Variants in C11orf65 observed in about 807,000 individuals in gnomAD.
C11orf65 encodes the protein chromosome 11 open reading frame 65, also known as protein MFI.
Under a neutral mutation model 35.3 loss-of-function variants are expected in C11orf65, and 38 were observed. That is an observed-to-expected ratio of 1.08 (90% CI 0.83 to 1.41). The LOEUF (loss-of-function observed/expected upper bound fraction) is 1.41, where lower values mean the gene tolerates loss of function less well. Ranked by LOEUF, C11orf65 falls within the 40% of genes most tolerant of loss-of-function variation. The pLI, the probability that C11orf65 is intolerant of heterozygous loss-of-function variation, is 0.00. For synonymous variants in C11orf65, 105 were observed against 114.4 expected, an observed-to-expected ratio of 0.92 and a Z score of 0.53; for missense variants, 370 against 367.1, an observed-to-expected ratio of 1.01 and a Z score of -0.06.
chr11:108,437,420 T>C (rs2135475357), intron 2 of C11orf65, among the ~76,000 whole-genome samples: 1 of 152,190 alleles, frequency 6.6e-6, no homozygotes, highest in African/African-American at 2.4e-5. Context: ...AAATAGATAC[T>C]GAAGGCTGGG....
At chr11:108,328,207 A>G (rs900811022), downstream of C11orf65, among the ~76,000 whole-genome samples, 3 of 152,144 alleles carry the variant, frequency 2.0e-5, no homozygotes, top group Admixed American at 6.6e-5. Context: ...TTACCTCACT[A>G]AATAAGTGTA....
At chr11:108,434,298 G>T (rs951224280) in intron 2 of C11orf65, among the ~76,000 whole-genome samples, 1 of 151,804 alleles carries the variant, frequency 6.6e-6, no homozygotes, top group African/African-American at 2.4e-5. Context: ...TGAGGTCAGG[G>T]GTTCGAGATC....
rs762001297 is a variant in C11orf65, at chr11:108,315,836, A to G, written c.641-6765T>C. ...CCATGTTTTCAGGATCTTCTCTTAG[A>G]AATCTACAGAAGTATAGGGGAGCCA... On this transcript the variant is annotated intron_variant, in intron 6 of 6. Transcript: ENST00000525729. 5.0e-6 allele frequency: 8 copies of G among 1,612,162 alleles called. No homozygotes were observed. Among genetic ancestry groups the G allele is most frequent in the Non-Finnish European group, 5.9e-6 (7 of 1,178,302 alleles).
chr11:108,455,633 T>G (rs112009767), intron 2 of C11orf65, among the ~76,000 whole-genome samples: 2 of 150,788 alleles, frequency 1.3e-5, no homozygotes, highest in African/African-American at 4.9e-5. Flanking sequence ...CTGACCAACA[T>G]AGTGAAATCC....
Position 108,383,133 on chromosome 11 carries a change from C to G in C11orf65, c.830G>C (p.Gly277Ala), listed in dbSNP as rs867308211. Residue 277 changes from glycine (G) to alanine (A), a missense_variant, in exon 9 of 9, where the codon GGA becomes GCA. Transcript: ENST00000393084. ...NQAQKNIYNY[G>A]GDISKMQMGI... ...CATTTGCATCTTTGATATGTCTCCTCCATAGTTATATATGTTTTTCTGTGC... is the reference window on the plus strand; with the variant it reads ...CATTTGCATCTTTGATATGTCTCCTGCATAGTTATATATGTTTTTCTGTGC... The G allele has an allele frequency of 1.9e-6, 3 of 1,608,908 alleles. No homozygotes were observed. The highest frequency in any genetic ancestry group is 2.5e-6 in the Non-Finnish European group (3 of 1,178,500).
In C11orf65 at chr11:108,360,602, T is replaced by A. The variant is rs190072882; in HGVS notation, c.227-25310A>T. 1.6e-3 allele frequency among the ~76,000 whole-genome samples: 240 copies of A among 149,502 alleles called. 1 individual carries two copies. Among genetic ancestry groups the A allele is most frequent in the Non-Finnish European group, 2.8e-3 (191 of 67,566 alleles). ...ACATCCAAAAGCTTATCCACCATGA[T>A]CCAGTGGGCTTCATCCCTGGGATTC... On this transcript the variant is annotated intron_variant, in intron 2 of 3. Transcript: ENST00000524755.
intron 6 of C11orf65, among the ~76,000 whole-genome samples, chr11:108,323,428 G>T (rs2085374816): frequency 6.6e-6 from 1 of 152,090 alleles, no homozygotes; most frequent in Non-Finnish European, 1.5e-5. Flanking sequence ...ATGAAGAGGG[G>T]CTGGTTAATG....
chr11:108,347,553 T>G (rs2088600933), intron 2 of C11orf65, among the ~76,000 whole-genome samples: 1 of 152,064 alleles, frequency 6.6e-6, no homozygotes, highest in Non-Finnish European at 1.5e-5. Flanking sequence ...GGGTACTGAG[T>G]GAAACTTAAT....
chr11:108,432,972 T>C (rs2093010518), intron 2 of C11orf65, among the ~76,000 whole-genome samples: 1 of 152,188 alleles, frequency 6.6e-6, no homozygotes, highest in South Asian at 2.1e-4. Context: ...AGGGGAGTTC[T>C]GCTGGTCTTG....
intron 2 of C11orf65, among the ~76,000 whole-genome samples, chr11:108,444,598 C>A (rs2093219610): frequency 6.6e-6 from 1 of 152,164 alleles, no homozygotes; most frequent in Non-Finnish European, 1.5e-5. Flanking sequence ...CATCCAGCAG[C>A]ACATCAAAAA....
rs1483142786 is a variant in C11orf65, at chr11:108,323,324, G to C, written c.641-14253C>G. On this transcript the variant is annotated intron_variant, in intron 6 of 6. Coordinates refer to the C11orf65 transcript ENST00000525729. ...CAAGAAATTTTTCCTCTGAATGAAA[G>C]ATTATCCTGCTGAAAAGAGTACAGA... Among the ~76,000 whole-genome samples, 2 of 152,152 alleles carry C rather than the reference G, an allele frequency of 1.3e-5. 1 individual carries two copies. The highest frequency in any genetic ancestry group is 3.8e-4 in the East Asian group (2 of 5,196).
chr11:108,354,578 T>G (rs1043212894), intron 2 of C11orf65, among the ~76,000 whole-genome samples: 10 of 152,196 alleles, frequency 6.6e-5, no homozygotes, highest in African/African-American at 2.4e-4. Flanking sequence ...TAATCAATAG[T>G]GTTGTGTTAT....
chr11:108,314,888 C>T (rs1480557749), intron 6 of C11orf65, among the ~76,000 whole-genome samples: 1 of 152,154 alleles, frequency 6.6e-6, no homozygotes, highest in Non-Finnish European at 1.5e-5. Flanking sequence ...AAGTTTATAT[C>T]ATCTGTTTAC....
downstream of C11orf65, among the ~76,000 whole-genome samples, chr11:108,381,044 G>T (rs2091856345): frequency 6.6e-6 from 1 of 152,216 alleles, no homozygotes; most frequent in South Asian, 2.1e-4. Context: ...AAATTGGCCT[G>T]TTAAGGAGTA....
intron 2 of C11orf65, among the ~76,000 whole-genome samples, chr11:108,374,047 C>A (rs1361947234): frequency 6.6e-6 from 1 of 152,212 alleles, no homozygotes; most frequent in Non-Finnish European, 1.5e-5. Flanking sequence ...TGGAGCCCAC[C>A]ACAGCTCAAG....
chr11:108,463,461 ATGTCTTTT>A (rs1565734299), intron 1 of C11orf65, among the ~76,000 whole-genome samples: 1 of 151,980 alleles, frequency 6.6e-6, no homozygotes, highest in African/African-American at 2.4e-5. Context: ...AAAAAAACTT[ATGTCTTTT>A]TTGCTTTCCC....
chr11:108,335,667 A>T (rs1342543068), intron 2 of C11orf65, among the ~76,000 whole-genome samples: 1 of 152,118 alleles, frequency 6.6e-6, no homozygotes, highest in African/African-American at 2.4e-5. Context: ...AATCAGTGTA[A>T]ATGTTGTAGC....
intron 2 of C11orf65, among the ~76,000 whole-genome samples, chr11:108,373,659 G>A (rs983625750): frequency 5.6e-4 from 85 of 152,242 alleles, no homozygotes; most frequent in African/African-American, 2.0e-3. Context: ...ACTAGGGAGT[G>A]CCAGACAGTA....
At position 108,405,495 on chromosome 11, in the gene C11orf65, T is replaced by C; in HGVS notation, c.494A>G (p.Lys165Arg). Reference protein sequence around the residue: ...DKKESEFHFSKLKRRQDLEKK... With the variant: ...DKKESEFHFSRLKRRQDLEKK... ...TTCCAAATCTTGCCTTCTCTTCAGT[T>C]TAGAGAAATGGAATTCACTTTCCTT... Residue 165 changes from lysine to arginine, a missense_variant, in exon 6 of 9, where the codon AAA (lysine) becomes AGA (arginine). By Grantham distance (26) the Lys-to-Arg change is conservative. Transcript: ENST00000393084. 1 of 1,613,200 alleles carries C rather than the reference T, an allele frequency of 6.2e-7. No homozygotes were observed. Among genetic ancestry groups the C allele is most frequent in the Non-Finnish European group, 8.5e-7 (1 of 1,179,282 alleles).
Sources: gnomAD v4.1 joint callset for allele counts (sites outside exome capture counted in the v4.1 genomes callset) on GRCh38, gnomAD v4.1.1 for gene constraint, MANE v1.5 for transcripts, NCBI Gene and HGNC (gene_info 2026-07-23, HGNC 2026-07-21) for gene names.